The following TRHDE variants were observed in gnomAD, a reference collection of about 807,000 sequenced individuals.
TRHDE encodes the protein thyrotropin releasing hormone degrading enzyme.
TRHDE carries 72 observed loss-of-function variants against 125.7 expected under a neutral mutation model. That is an observed-to-expected ratio of 0.57 (90% CI 0.47 to 0.70). The LOEUF (loss-of-function observed/expected upper bound fraction) is 0.70. Ranked by LOEUF, TRHDE falls within the 30% of genes least tolerant of loss-of-function variation. The pLI is 0.00. For synonymous variants in TRHDE, 509 were observed against 509.1 expected (o/e 1.00, Z 0.00); for missense variants, 1,110 against 1,327.1 (o/e 0.84, Z 2.54).
chr12:72,181,146 G>GATTCAATTCAGT lies in TRHDE; in HGVS notation n.279+75396_279+75407dup, dbSNP rs535342323. 2.0e-4 allele frequency among the ~76,000 whole-genome samples: 30 copies of GATTCAATTCAGT among 152,272 alleles called. No homozygotes were observed. The South Asian group carries it at 5.8e-3, about 29-fold the overall frequency. On this transcript the variant is annotated intron_variant and non_coding_transcript_variant, in intron 2 of 4. Transcript: ENST00000548156. Reference sequence around the variant, plus strand: ...ATATAGAGCTACATTTGAAGTTTTGGATTCAATTCAGTACACAATTAAGAA... The same window carrying GATTCAATTCAGT: ...ATATAGAGCTACATTTGAAGTTTTGGATTCAATTCAGTATTCAATTCAGTACACAATTAAGAA...
At chr12:72,318,413 G>C (rs914134925) in intron 2 of TRHDE, among the ~76,000 whole-genome samples, 2 of 152,190 alleles carry the variant, frequency 1.3e-5, no homozygotes, top group South Asian at 2.1e-4. Flanking sequence ...AGAAGGTGAT[G>C]TGCGATATTT....
At chr12:72,626,357 T>C (rs1873257776) in intron 15 of TRHDE, among the ~76,000 whole-genome samples, 1 of 151,922 alleles carries the variant, frequency 6.6e-6, no homozygotes, top group South Asian at 2.1e-4. Flanking sequence ...AACACTAGTG[T>C]TCTTCAGAGT....
At chr12:72,540,965 G>A (rs1341875848) in intron 6 of TRHDE, among the ~76,000 whole-genome samples, 2 of 151,588 alleles carry the variant, frequency 1.3e-5, no homozygotes, top group African/African-American at 2.4e-5. Context: ...CTTTAATGGT[G>A]ATTCATAGTC....
intron 1 of TRHDE, among the ~76,000 whole-genome samples, chr12:72,284,906 G>C (rs1019102960): frequency 1.3e-5 from 2 of 152,090 alleles, no homozygotes; most frequent in African/African-American, 4.8e-5. Context: ...GGAAAGCCTG[G>C]AAAACATATT....
chr12:72,097,440 ATTT>A (rs869290442), intron 1 of TRHDE, among the ~76,000 whole-genome samples: 1 of 21,638 alleles, frequency 4.6e-5, no homozygotes, highest in Admixed American at 5.9e-4. Flanking sequence ...TTCTCACTGA[ATTT>A]TTTTTTTTTT....
At chr12:72,519,409 T>C (rs1025249087) in intron 6 of TRHDE, among the ~76,000 whole-genome samples, 2 of 152,222 alleles carry the variant, frequency 1.3e-5, no homozygotes, top group African/African-American at 4.8e-5. Flanking sequence ...CTTCCATCGC[T>C]GAACCCTTTC....
In TRHDE at chr12:72,166,611, T is replaced by C. The variant is rs1318337373; in HGVS notation, n.279+60859T>C. On this transcript the variant is annotated intron_variant and non_coding_transcript_variant, in intron 2 of 4. Coordinates refer to the TRHDE transcript ENST00000548156. ...ATCCTTAAGTGAAAGTATTACATAT[T>C]TCTAAGGCTTGTGCAGGTTCCTCTG... Among the ~76,000 whole-genome samples the C allele has an allele frequency of 2.6e-5, 4 of 152,320 alleles. No individual in the cohort carries two copies. The East Asian group carries it at 7.7e-4, about 29-fold the overall frequency.
At chr12:72,502,738 T>C (rs898567632) in intron 6 of TRHDE, among the ~76,000 whole-genome samples, 2 of 152,172 alleles carry the variant, frequency 1.3e-5, no homozygotes, top group Non-Finnish European at 2.9e-5. Context: ...TCATCATGCT[T>C]TCTTGATGGG....
chr12:72,514,568 A>G (rs1364755461), intron 6 of TRHDE, among the ~76,000 whole-genome samples: 2 of 152,120 alleles, frequency 1.3e-5, no homozygotes, highest in Non-Finnish European at 2.9e-5. Flanking sequence ...AAAGATGTAT[A>G]GAAAAGGCAG....
At chr12:72,424,688 G>A (rs1417632130) in intron 3 of TRHDE, among the ~76,000 whole-genome samples, 1 of 152,062 alleles carries the variant, frequency 6.6e-6, no homozygotes, top group African/African-American at 2.4e-5. Flanking sequence ...GTATGAACTT[G>A]TTTATACTTC....
chr12:72,097,425 GCATTTTCTCACTGAAT>G (rs1231413204), intron 1 of TRHDE, among the ~76,000 whole-genome samples: 3 of 62,486 alleles, frequency 4.8e-5, no homozygotes, highest in African/African-American at 1.2e-4. Flanking sequence ...CCTTGCAGTA[GCATTTTCTCACTGAAT>G]TTTTTTTTTT....
At position 72,669,400 on chromosome 12, in the gene TRHDE, C is replaced by T. The variant is rs188118903; in HGVS notation, c.*6205C>T. 2.0e-5 allele frequency: 3 copies of T among 151,868 alleles called. No individual in the cohort carries two copies. Among genetic ancestry groups the T allele is most frequent in the East Asian group, 1.9e-4 (1 of 5,142 alleles). 9.4% of individuals were successfully genotyped at this position (151,868 alleles called of 1,614,324 possible). On this transcript the variant is annotated 3_prime_UTR_variant, in exon 19 of 19. Coordinates refer to ENST00000261180, the MANE Select transcript of TRHDE (RefSeq NM_013381.3). ...GTCTAAGATAAGTGCTTTGACTTGC[C>T]TCTGCAGAGGTCAACTTATTTCTCA...
At chr12:72,642,050 A>G (rs1200980176) in intron 15 of TRHDE, among the ~76,000 whole-genome samples, 1 of 152,168 alleles carries the variant, frequency 6.6e-6, no homozygotes, top group Non-Finnish European at 1.5e-5. Context: ...GTGAGAATGC[A>G]AGAAGTCAGC....
At chr12:72,248,445 G>A (rs1344962920) in intron 2 of TRHDE, among the ~76,000 whole-genome samples, 6 of 140,128 alleles carry the variant, frequency 4.3e-5, no homozygotes, top group Non-Finnish European at 9.2e-5. Context: ...AAAAAGCGAA[G>A]TGCTTATTCA....
intron 4 of TRHDE, among the ~76,000 whole-genome samples, chr12:72,471,280 G>A (rs1876637398): frequency 6.6e-6 from 1 of 152,062 alleles, no homozygotes; most frequent in African/African-American, 2.4e-5. Context: ...AGGCTTAAGG[G>A]GGATCCTTTG....
intron 2 of TRHDE, among the ~76,000 whole-genome samples, chr12:72,227,753 T>C (rs1029351728): frequency 1.3e-5 from 2 of 152,112 alleles, no homozygotes; most frequent in African/African-American, 2.4e-5. Flanking sequence ...CTAGATACAA[T>C]GGGGGTACAG....
chr12:72,148,008 T>A (rs992589341), intron 2 of TRHDE, among the ~76,000 whole-genome samples: 10 of 152,264 alleles, frequency 6.6e-5, no homozygotes, highest in African/African-American at 2.4e-4. Flanking sequence ...TTTTGTACTT[T>A]GCAGTTTTCA....
At chr12:72,650,109 C>T (rs1201257444) in intron 15 of TRHDE, among the ~76,000 whole-genome samples, 4 of 151,978 alleles carry the variant, frequency 2.6e-5, no homozygotes. Context: ...GTCACATTAG[C>T]CATGATGTGG....
chr12:72,441,523 T>G (rs1875011754), intron 3 of TRHDE, among the ~76,000 whole-genome samples: 1 of 151,822 alleles, frequency 6.6e-6, no homozygotes, highest in African/African-American at 2.4e-5. Context: ...ACAGGAGGTG[T>G]GGGGAAAACC....
Sources: allele counts gnomAD v4.1 joint callset (sites outside exome capture counted in the v4.1 genomes callset), GRCh38; gene constraint gnomAD v4.1.1; transcripts MANE v1.5; gene names NCBI Gene and HGNC (gene_info 2026-07-23, HGNC 2026-07-21).